The following NKAIN3 variants were observed in gnomAD, a reference collection of about 807,000 sequenced individuals.
NKAIN3 encodes sodium/potassium-transporting ATPase subunit beta-1-interacting protein 3.
NKAIN3 carries 25 observed loss-of-function variants against 30.2 expected under a neutral mutation model. The observed-to-expected ratio is 0.83, with a 90% CI of 0.60 to 1.16. The LOEUF is 1.16. Ranked by LOEUF, NKAIN3 falls within the 50% of genes most tolerant of loss-of-function variation. The probability of loss-of-function intolerance (pLI) is 0.00; values close to 1 mark genes in which losing one functional copy is unlikely to be tolerated. For synonymous variants in NKAIN3, 91 were observed against 89.6 expected (o/e 1.02, Z -0.09); for missense variants, 225 against 254.1 (o/e 0.89, Z 0.78).
At chr8:62,569,401 G>T (rs1809855375) in intron 1 of NKAIN3, among the ~76,000 whole-genome samples, 1 of 152,180 alleles carries the variant, frequency 6.6e-6, no homozygotes, top group African/African-American at 2.4e-5. Flanking sequence ...AAAGTCCCTT[G>T]GGAGTTGAAT....
intron 3 of NKAIN3, among the ~76,000 whole-genome samples, chr8:62,598,772 G>A (rs1810909059): frequency 6.6e-6 from 1 of 152,036 alleles, no homozygotes; most frequent in African/African-American, 2.4e-5. Context: ...GGAGGACTGG[G>A]TTTGGAACAG....
chr8:62,354,555 T>C (rs572043598), intron 1 of NKAIN3, among the ~76,000 whole-genome samples: 2 of 152,184 alleles, frequency 1.3e-5, no homozygotes, highest in African/African-American at 4.8e-5. Flanking sequence ...GTGATTCTCC[T>C]GCCTCAGCCT....
intron 3 of NKAIN3, among the ~76,000 whole-genome samples, chr8:62,696,552 T>C (rs1814160410): frequency 6.6e-6 from 1 of 152,174 alleles, no homozygotes; most frequent in Admixed American, 6.5e-5. Context: ...ACGTAATTTA[T>C]GCATAAAGAC....
intron 4 of NKAIN3, among the ~76,000 whole-genome samples, chr8:62,812,146 T>A (rs762718265): frequency 6.6e-6 from 1 of 152,014 alleles, no homozygotes; most frequent in Non-Finnish European, 1.5e-5. Context: ...CAATTGGGTA[T>A]AGTTGTGTGA....
At chr8:62,756,307 C>T (rs982475308) in intron 4 of NKAIN3, among the ~76,000 whole-genome samples, 1 of 152,142 alleles carries the variant, frequency 6.6e-6, no homozygotes, top group Non-Finnish European at 1.5e-5. Context: ...AGACTTGCCT[C>T]TACTGGATAT....
chr8:62,948,024 C>T (rs1417590867), intron 5 of NKAIN3, among the ~76,000 whole-genome samples: 1 of 152,162 alleles, frequency 6.6e-6, no homozygotes, highest in African/African-American at 2.4e-5. Context: ...ATAACTAGAG[C>T]AAGCAGCTTG....
chr8:62,567,303 C>T lies in NKAIN3; in HGVS notation c.55-12236C>T, dbSNP rs567938479. ...AGATTCTTCTTAGACTGGTCAGGGC[C>T]GGGCTGAGATGTGCATACATGCCCA... On this transcript the variant is annotated intron_variant, in intron 1 of 6. Coordinates refer to ENST00000623646, the MANE Select transcript of NKAIN3 (RefSeq NM_001304533.3). Among the ~76,000 whole-genome samples, 22 of 152,082 alleles carry T rather than the reference C, an allele frequency of 1.4e-4. No individual in the cohort carries two copies. In the South Asian group the frequency reaches 3.9e-3, roughly 27 times the overall value.
chr8:62,918,475 G>A lies in NKAIN3; in HGVS notation c.494G>A (p.Cys165Tyr). The A allele has an allele frequency of 6.2e-7, 1 of 1,613,182 alleles. No individual in the cohort carries two copies. The change falls in exon 5 of 7, where the codon TGT becomes TAT. Residue 165 changes from cysteine to tyrosine, a missense_variant. By Grantham distance (194) the Cys-to-Tyr change is radical. Coordinates refer to ENST00000623646, the MANE Select transcript of NKAIN3 (RefSeq NM_001304533.3). Reference sequence around the variant, plus strand: ...CAGTTGGTGGGTTTTGTGTATGCCTGTTATGTGATCAGTATTTCCATGGAA... The same window carrying A: ...CAGTTGGTGGGTTTTGTGTATGCCTATTATGTGATCAGTATTTCCATGGAA... ...LLSLVGFVYA[C>Y]YVISISMEEE...
At chr8:62,740,553 A>G (rs1461330527) in intron 3 of NKAIN3, among the ~76,000 whole-genome samples, 1 of 152,164 alleles carries the variant, frequency 6.6e-6, no homozygotes, top group East Asian at 1.9e-4. Context: ...AAAAAAGGAG[A>G]TTATTAAAAG....
At chr8:62,307,927 G>A (rs1047285754) in intron 1 of NKAIN3, among the ~76,000 whole-genome samples, 5 of 150,350 alleles carry the variant, frequency 3.3e-5, no homozygotes, top group African/African-American at 1.3e-4. Flanking sequence ...GTCTTGTGGG[G>A]AAGATGGACT....
chr8:62,328,077 T>C (rs1341366315), intron 1 of NKAIN3, among the ~76,000 whole-genome samples: 1 of 152,128 alleles, frequency 6.6e-6, no homozygotes, highest in Non-Finnish European at 1.5e-5. Flanking sequence ...ATCCATATAT[T>C]ATGCCAACTT....
At chr8:62,915,360 G>A (rs1586342852) in intron 4 of NKAIN3, among the ~76,000 whole-genome samples, 1 of 152,280 alleles carries the variant, frequency 6.6e-6, no homozygotes, top group South Asian at 2.1e-4. Context: ...AGGACAGGAA[G>A]GCAGGGGAGG....
intron 6 of NKAIN3, among the ~76,000 whole-genome samples, chr8:62,955,404 C>T (rs1038920772): frequency 6.6e-6 from 1 of 151,954 alleles, no homozygotes; most frequent in Admixed American, 6.6e-5. Flanking sequence ...GGGATTGTGA[C>T]AATAATCAAG....
intron 5 of NKAIN3, among the ~76,000 whole-genome samples, chr8:62,951,200 C>T (rs563739824): frequency 2.6e-5 from 4 of 152,106 alleles, no homozygotes; most frequent in Admixed American, 2.6e-4. Context: ...CCTACCAGCA[C>T]CTCTTCCCAC....
chr8:62,937,333 A>G (rs1335571337), intron 5 of NKAIN3, among the ~76,000 whole-genome samples: 1 of 152,156 alleles, frequency 6.6e-6, no homozygotes, highest in African/African-American at 2.4e-5. Context: ...GTACTCCGTG[A>G]AACAGCCGAA....
At chr8:62,582,616 G>A (rs7835308) in intron 2 of NKAIN3, among the ~76,000 whole-genome samples, 5,717 of 152,102 alleles carry the variant, frequency 0.038, 311 homozygotes, top group African/African-American at 0.12. Flanking sequence ...GGTCTGGGCC[G>A]GAGGCACCAC....
chr8:62,608,001 A>G (rs1246814599), intron 3 of NKAIN3, among the ~76,000 whole-genome samples: 1 of 152,186 alleles, frequency 6.6e-6, no homozygotes, highest in Non-Finnish European at 1.5e-5. Context: ...CACATATGCC[A>G]ATGTAACTAT....
intron 1 of NKAIN3, among the ~76,000 whole-genome samples, chr8:62,301,796 T>A (rs1232329738): frequency 2.6e-5 from 4 of 152,072 alleles, no homozygotes; most frequent in African/African-American, 7.2e-5. Flanking sequence ...CCAATTTGAA[T>A]CAGCCTTTCA....
At chr8:62,732,650 A>C (rs1194011860) in intron 3 of NKAIN3, among the ~76,000 whole-genome samples, 1 of 152,094 alleles carries the variant, frequency 6.6e-6, no homozygotes, top group Admixed American at 6.6e-5. Context: ...CTTGACAATT[A>C]CTACACACAG....
Sources: gnomAD v4.1 joint callset for allele counts (sites outside exome capture counted in the v4.1 genomes callset) on GRCh38, gnomAD v4.1.1 for gene constraint, MANE v1.5 for transcripts, NCBI Gene and HGNC (gene_info 2026-07-23, HGNC 2026-07-21) for gene names.